DIAPH3: variants seen among roughly 807,000 people sequenced by gnomAD.
DIAPH3 encodes diaphanous related formin 3, also known as protein diaphanous homolog 3.
Under a neutral mutation model 144.3 loss-of-function variants are expected in DIAPH3, and 117 were observed. That is an observed-to-expected ratio of 0.81 (90% CI 0.70 to 0.95). DIAPH3 has a LOEUF of 0.95. Among genes scored for constraint, DIAPH3 ranks in the 40% least tolerant of loss-of-function variants. The pLI, the probability that DIAPH3 is intolerant of heterozygous loss-of-function variation, is 0.00. For synonymous variants in DIAPH3, 519 were observed against 488.9 expected, an observed-to-expected ratio of 1.06 and a Z score of -0.81; for missense variants, 1,421 against 1,412.7, an observed-to-expected ratio of 1.01 and a Z score of -0.09.
intron 17 of DIAPH3, among the ~76,000 whole-genome samples, chr13:59,957,573 A>T (rs1208028366): frequency 6.6e-6 from 1 of 152,200 alleles, no homozygotes; most frequent in African/African-American, 2.4e-5. Context: ...ACAGACAATT[A>T]TAGTTACCAT....
At chr13:60,061,388 A>G (rs2056765331) in intron 4 of DIAPH3, among the ~76,000 whole-genome samples, 2 of 152,172 alleles carry the variant, frequency 1.3e-5, no homozygotes, top group South Asian at 4.1e-4. Context: ...AAATGAAGTT[A>G]CAAAAAGCTG....
intron 27 of DIAPH3, among the ~76,000 whole-genome samples, chr13:59,703,953 A>G (rs2034267090): frequency 1.3e-5 from 2 of 152,246 alleles, no homozygotes; most frequent in Non-Finnish European, 2.9e-5. Flanking sequence ...CCATCCAGTC[A>G]GGAACTGAGC....
intron 15 of DIAPH3, 79 bp downstream of exon 15, chr13:59,974,273 G>T: frequency 2.0e-6 from 2 of 1,018,916 alleles, no homozygotes; most frequent in South Asian, 1.3e-5. Context: ...TAAACATTTT[G>T]ATGCTATGAA....
At chr13:59,869,550 T>TA (rs2044131924) in intron 21 of DIAPH3, among the ~76,000 whole-genome samples, 1 of 152,298 alleles carries the variant, frequency 6.6e-6, no homozygotes, top group East Asian at 1.9e-4. Flanking sequence ...ACAAGGCCTC[T>TA]AAAAAATTCT....
intron 12 of DIAPH3, among the ~76,000 whole-genome samples, chr13:59,985,708 G>A (rs1331874516): frequency 1.3e-5 from 1 of 77,768 alleles, no homozygotes; most frequent in Non-Finnish European, 2.7e-5. Context: ...AATCATGAGT[G>A]AACTCCCATT....
chr13:59,729,794 C>T (rs1176880836), intron 27 of DIAPH3, among the ~76,000 whole-genome samples: 20 of 138,548 alleles, frequency 1.4e-4, no homozygotes, highest in African/African-American at 5.2e-4. Flanking sequence ...TTGTGACTTC[C>T]GGTGAATACA....
intron 4 of DIAPH3, among the ~76,000 whole-genome samples, chr13:60,072,459 T>C (rs553784416): frequency 3.8e-4 from 58 of 152,322 alleles, no homozygotes; most frequent in African/African-American, 5.8e-4. Context: ...TAGCAGGCCA[T>C]AACTAATTTT....
intron 2 of DIAPH3, among the ~76,000 whole-genome samples, chr13:60,121,927 ACTTCTAACCTGCCTCCTAGC>A (rs1294299208): frequency 6.6e-6 from 1 of 152,068 alleles, no homozygotes; most frequent in East Asian, 1.9e-4. Context: ...AGCTCAGGCC[ACTTCTAACCTGCCTCCTAGC>A]CTTCTAACCT....
chr13:59,885,779 T>C (rs968936470), intron 20 of DIAPH3, among the ~76,000 whole-genome samples: 2 of 152,126 alleles, frequency 1.3e-5, no homozygotes, highest in Non-Finnish European at 2.9e-5. Context: ...ACTGGAGTGA[T>C]ACATCTACCC....
At chr13:60,094,011 TAGAC>T (rs1406800869) in intron 3 of DIAPH3, among the ~76,000 whole-genome samples, 5 of 152,226 alleles carry the variant, frequency 3.3e-5, no homozygotes, top group African/African-American at 4.8e-5. Context: ...TATAGATAAT[TAGAC>T]AGTTGCAGAT....
intron 9 of DIAPH3, among the ~76,000 whole-genome samples, chr13:59,994,350 G>C (rs1185282716): frequency 6.6e-6 from 1 of 151,864 alleles, no homozygotes; most frequent in Non-Finnish European, 1.5e-5. Context: ...GGAGTTCCTT[G>C]TAGGTTTTAT....
chr13:59,666,964 C>A lies in DIAPH3; in HGVS notation c.3320-118G>T, dbSNP rs1356668525. ...TAAATAAGTAGTCTTCTTAGATAGA[C>A]TAAACAAAGAAACAGTCAACAGAGT... is the stretch of plus-strand genomic sequence containing the variant. On this transcript the variant is annotated intron_variant, in intron 27 of 27. Coordinates refer to ENST00000400324, the MANE Select transcript of DIAPH3 (RefSeq NM_001042517.2). 5.7e-6 allele frequency: 7 copies of A among 1,224,876 alleles called. No individual in the cohort carries two copies. In the African/African-American group the frequency reaches 7.6e-5, roughly 13 times the overall value. 75.9% of individuals were successfully genotyped at this position (1,224,876 alleles called of 1,614,324 possible). A position where few individuals can be genotyped will look rare whatever the true frequency, so the allele number is the denominator to read the frequency against.
chr13:59,752,589 G>A (rs1178454721), intron 27 of DIAPH3, among the ~76,000 whole-genome samples: 3 of 151,958 alleles, frequency 2.0e-5, no homozygotes, highest in Admixed American at 1.3e-4. Flanking sequence ...GGCTGGTCTC[G>A]AACTCCTGGG....
chr13:59,821,180 T>C (rs542853021), intron 24 of DIAPH3, among the ~76,000 whole-genome samples: 1 of 152,156 alleles, frequency 6.6e-6, no homozygotes, highest in East Asian at 1.9e-4. Flanking sequence ...TAAAATGAGA[T>C]TAGATTAGAC....
Position 60,037,845 on chromosome 13 carries a change from T to G in DIAPH3, c.626+4845A>C, listed in dbSNP as rs79687528. On this transcript the variant is annotated intron_variant, in intron 5 of 27. Transcript: ENST00000400324. ...GATAAAAAAATTATTCATATGCTAT[T>G]TATAATAGATATTCCTAAAATACAA... 2.8e-3 allele frequency among the ~76,000 whole-genome samples: 419 copies of G among 152,204 alleles called. 3 individuals carry two copies. The highest frequency in any genetic ancestry group is 4.3e-3 in the Non-Finnish European group (294 of 67,932).
intron 5 of DIAPH3, among the ~76,000 whole-genome samples, chr13:60,022,432 T>C (rs759522484): frequency 1.7e-4 from 26 of 152,200 alleles, no homozygotes; most frequent in Non-Finnish European, 3.4e-4. Context: ...CCCTCTGTAT[T>C]AGTTTCCTGG....
intron 3 of DIAPH3, among the ~76,000 whole-genome samples, chr13:60,099,907 A>AGAAGAAAGGAAGGAAGGAAG (rs1158685607): frequency 9.5e-6 from 1 of 104,810 alleles, no homozygotes; most frequent in African/African-American, 3.6e-5. Flanking sequence ...AGAAAGTAAG[A>AGAAGAAAGGAAGGAAGGAAG]GAAGGAAGGA....
intron 24 of DIAPH3, among the ~76,000 whole-genome samples, chr13:59,822,452 T>TTTA: frequency 1.3e-5 from 2 of 152,142 alleles, no homozygotes; most frequent in Admixed American, 1.3e-4. Flanking sequence ...TTATTTATTT[T>TTTA]TTTTTGTGAG....
intron 25 of DIAPH3, among the ~76,000 whole-genome samples, chr13:59,775,192 C>T (rs2038338410): frequency 6.6e-6 from 1 of 152,138 alleles, no homozygotes; most frequent in South Asian, 2.1e-4. Flanking sequence ...TTCAAGGCAT[C>T]ATCTTCTATT....
Sources: gnomAD v4.1 joint callset for allele counts (sites outside exome capture counted in the v4.1 genomes callset) on GRCh38, gnomAD v4.1.1 for gene constraint, MANE v1.5 for transcripts, NCBI Gene and HGNC (gene_info 2026-07-23, HGNC 2026-07-21) for gene names.